The following PDSS2 variants were observed in gnomAD, a reference collection of about 807,000 sequenced individuals.
PDSS2 encodes decaprenyl diphosphate synthase subunit 2.
PDSS2 carries 31 observed loss-of-function variants against 44.5 expected under a neutral mutation model. The ratio of observed to expected loss-of-function variants is 0.70; its 90% CI spans 0.52 to 0.94. The LOEUF (loss-of-function observed/expected upper bound fraction) is 0.94, where lower values mean the gene tolerates loss of function less well. Among genes scored for constraint, PDSS2 ranks in the 40% least tolerant of loss-of-function variants. The probability of loss-of-function intolerance (pLI) is 0.00; values close to 1 mark genes in which losing one functional copy is unlikely to be tolerated. For missense variants in PDSS2, 452 were observed against 482.2 expected (o/e 0.94, Z 0.59); for synonymous variants, 157 against 180.3 (o/e 0.87, Z 1.03).
chr6:107,242,856 C>T (rs1464239987), intron 4 of PDSS2, among the ~76,000 whole-genome samples: 1 of 152,138 alleles, frequency 6.6e-6, no homozygotes, highest in African/African-American at 2.4e-5. Context: ...AAAAGAATGG[C>T]CCTTTAAATG....
At chr6:107,403,376 A>G (rs1178351793) in intron 1 of PDSS2, among the ~76,000 whole-genome samples, 1 of 152,118 alleles carries the variant, frequency 6.6e-6, no homozygotes, top group Non-Finnish European at 1.5e-5. Context: ...AGCTGCTTTC[A>G]TGGCTGGCGC....
At chr6:107,171,374 G>A (rs1388662387) in intron 7 of PDSS2, among the ~76,000 whole-genome samples, 3 of 151,832 alleles carry the variant, frequency 2.0e-5, no homozygotes, top group African/African-American at 7.3e-5. Flanking sequence ...TTGCCCAGAG[G>A]CTGATCTTAA....
At chr6:107,173,587 A>AAAAAAAAAAAAAAAAAAACAAAC (rs1562352144) in intron 7 of PDSS2, among the ~76,000 whole-genome samples, 1 of 149,948 alleles carries the variant, frequency 6.7e-6, no homozygotes, top group African/African-American at 2.5e-5. Context: ...AAAAAAAAAA[A>AAAAAAAAAAAAAAAAAAACAAAC]AAAAAAAAAA....
chr6:107,316,711 AAC>A (rs1379240305), intron 2 of PDSS2, among the ~76,000 whole-genome samples: 1 of 152,108 alleles, frequency 6.6e-6, no homozygotes, highest in Non-Finnish European at 1.5e-5. Context: ...TCCCTTCCTC[AAC>A]AGTGTTTTAA....
At chr6:107,224,347 T>C (rs1773715954) in intron 4 of PDSS2, among the ~76,000 whole-genome samples, 1 of 151,344 alleles carries the variant, frequency 6.6e-6, no homozygotes, top group Non-Finnish European at 1.5e-5. Flanking sequence ...AATTCTAGCC[T>C]AAGAGATATG....
At chr6:107,437,694 C>T (rs548256986) in intron 1 of PDSS2, among the ~76,000 whole-genome samples, 26 of 152,048 alleles carry the variant, frequency 1.7e-4, no homozygotes, top group African/African-American at 5.3e-4. Context: ...TCCCTGCACA[C>T]GAGCTTCACA....
intron 1 of PDSS2, among the ~76,000 whole-genome samples, chr6:107,410,674 G>C (rs1780464092): frequency 6.6e-6 from 1 of 151,930 alleles, no homozygotes; most frequent in Non-Finnish European, 1.5e-5. Flanking sequence ...TTTTAGTAAA[G>C]ATGGGGCTTC....
chr6:107,372,392 T>A (rs142494899), intron 1 of PDSS2, among the ~76,000 whole-genome samples: 4 of 152,282 alleles, frequency 2.6e-5, no homozygotes, highest in African/African-American at 9.6e-5. Context: ...GGAACTGCAT[T>A]TAGTCTGGGA....
At chr6:107,188,820 A>G (rs1304376806) in intron 7 of PDSS2, among the ~76,000 whole-genome samples, 1 of 152,206 alleles carries the variant, frequency 6.6e-6, no homozygotes. Context: ...CATGATTCTA[A>G]GCTCACCAGA....
intron 2 of PDSS2, among the ~76,000 whole-genome samples, chr6:107,288,753 G>GTTTTTTTTT (rs35762837): frequency 1.4e-5 from 1 of 72,742 alleles, no homozygotes; most frequent in Non-Finnish European, 2.5e-5. Context: ...GGACGAAATT[G>GTTTTTTTTT]TTTTTTTTTT....
intron 2 of PDSS2, among the ~76,000 whole-genome samples, chr6:107,298,931 C>CAGG (rs1396967823): frequency 1.3e-5 from 2 of 152,082 alleles, no homozygotes; most frequent in East Asian, 3.9e-4. Context: ...CGCCTGAGCT[C>CAGG]AGGAGTTTGA....
intron 2 of PDSS2, among the ~76,000 whole-genome samples, chr6:107,289,372 C>CAAA (rs376719889): frequency 8.9e-6 from 1 of 112,710 alleles, no homozygotes. Context: ...GACTCTGTCT[C>CAAA]AAAAAAAAAA....
chr6:107,269,221 C>T (rs1258878508), intron 3 of PDSS2, among the ~76,000 whole-genome samples: 1 of 152,102 alleles, frequency 6.6e-6, no homozygotes, highest in Non-Finnish European at 1.5e-5. Flanking sequence ...TGCACCTGGC[C>T]TAACAAATAT....
At chr6:107,263,137 G>C (rs951962850) in intron 3 of PDSS2, among the ~76,000 whole-genome samples, 10 of 150,764 alleles carry the variant, frequency 6.6e-5, no homozygotes, top group Non-Finnish European at 1.5e-4. Flanking sequence ...GTAGAATGCA[G>C]ATTTTTTTTT....
intron 3 of PDSS2, among the ~76,000 whole-genome samples, chr6:107,254,504 G>A (rs190206138): frequency 6.6e-6 from 1 of 152,242 alleles, no homozygotes; most frequent in East Asian, 1.9e-4. Flanking sequence ...AACAAGCAAC[G>A]TAAAACTGAT....
At chr6:107,310,353 A>C (rs1301191432) in intron 2 of PDSS2, among the ~76,000 whole-genome samples, 1 of 152,092 alleles carries the variant, frequency 6.6e-6, no homozygotes, top group Non-Finnish European at 1.5e-5. Flanking sequence ...TGAGAATCTA[A>C]AAAAACAACC....
intron 7 of PDSS2, among the ~76,000 whole-genome samples, chr6:107,168,226 A>G (rs1554247875): frequency 6.6e-6 from 1 of 152,156 alleles, no homozygotes; most frequent in African/African-American, 2.4e-5. Flanking sequence ...CTTTACCATT[A>G]TGTAATGGCC....
At chr6:107,289,383 AAAAG>A (rs1454734687) in intron 2 of PDSS2, among the ~76,000 whole-genome samples, 2 of 149,524 alleles carry the variant, frequency 1.3e-5, no homozygotes, top group South Asian at 2.2e-4. Flanking sequence ...AAAAAAAAAA[AAAAG>A]AAAGAAAGAA....
intron 7 of PDSS2, among the ~76,000 whole-genome samples, chr6:107,187,163 T>C (rs1244589737): frequency 6.6e-6 from 1 of 152,190 alleles, no homozygotes; most frequent in Non-Finnish European, 1.5e-5. Flanking sequence ...GATATAATCT[T>C]TCTTCTCTAT....
Sources: allele counts gnomAD v4.1 joint callset (sites outside exome capture counted in the v4.1 genomes callset), GRCh38; gene constraint gnomAD v4.1.1; transcripts MANE v1.5; gene names NCBI Gene and HGNC (gene_info 2026-07-23, HGNC 2026-07-21).